CNTNAP2: variants seen among roughly 807,000 people sequenced by gnomAD.
CNTNAP2 encodes the protein contactin associated protein 2.
In CNTNAP2, 98 loss-of-function variants were observed where a neutral mutation model predicts 155.2. The ratio of observed to expected loss-of-function variants is 0.63; its 90% confidence interval spans 0.54 to 0.75. CNTNAP2 has a LOEUF of 0.75. Ranked by LOEUF, CNTNAP2 falls within the 30% of genes least tolerant of loss-of-function variation. The pLI is 0.00. For missense variants in CNTNAP2, 1,727 were observed against 1,688.1 expected (o/e 1.02, Z -0.40); for synonymous variants, 651 against 631.2 (o/e 1.03, Z -0.47).
chr7:147,865,890 T>G (rs2116693606), intron 13 of CNTNAP2, among the ~76,000 whole-genome samples: 2 of 152,292 alleles, frequency 1.3e-5, no homozygotes, highest in South Asian at 4.1e-4. Flanking sequence ...TTTCATTGAT[T>G]TTTTGAAGGG....
chr7:147,807,688 T>G (rs1425268497), intron 13 of CNTNAP2, among the ~76,000 whole-genome samples: 2 of 152,136 alleles, frequency 1.3e-5, no homozygotes, highest in Non-Finnish European at 1.5e-5. Flanking sequence ...CATATGTGGT[T>G]GAGTTTAGCA....
At chr7:146,386,384 T>C (rs974586758) in intron 1 of CNTNAP2, among the ~76,000 whole-genome samples, 4 of 152,166 alleles carry the variant, frequency 2.6e-5, no homozygotes, top group African/African-American at 7.2e-5. Context: ...GTTTTATTTG[T>C]ATTTGTATTA....
intron 13 of CNTNAP2, among the ~76,000 whole-genome samples, chr7:147,712,661 G>A (rs956436493): frequency 5.3e-5 from 8 of 152,046 alleles, no homozygotes; most frequent in Non-Finnish European, 1.0e-4. Flanking sequence ...ACCAAACACC[G>A]CATGTTCTCA....
chr7:147,507,582 T>G (rs1272534967), intron 11 of CNTNAP2, among the ~76,000 whole-genome samples: 1 of 133,150 alleles, frequency 7.5e-6, no homozygotes, highest in Non-Finnish European at 1.6e-5. Context: ...TTTTGGAGTC[T>G]CGCTCTGTCA....
chr7:147,114,187 A>C (rs1236804761), intron 5 of CNTNAP2, among the ~76,000 whole-genome samples: 1 of 152,052 alleles, frequency 6.6e-6, no homozygotes, highest in Non-Finnish European at 1.5e-5. Flanking sequence ...GACTGTTATG[A>C]TTTCAGTCCT....
chr7:147,152,782 T>A (rs1164886465), intron 8 of CNTNAP2, among the ~76,000 whole-genome samples: 1 of 152,096 alleles, frequency 6.6e-6, no homozygotes, highest in East Asian at 1.9e-4. Context: ...TCATAAAAAA[T>A]TAGAATTAAA....
At chr7:146,269,272 G>T (rs1453604792) in intron 1 of CNTNAP2, among the ~76,000 whole-genome samples, 1 of 152,156 alleles carries the variant, frequency 6.6e-6, no homozygotes, top group African/African-American at 2.4e-5. Context: ...CCTGGGAGGT[G>T]GAGGTTGCAG....
At chr7:146,479,828 G>A (rs1209705034) in intron 1 of CNTNAP2, among the ~76,000 whole-genome samples, 1 of 151,624 alleles carries the variant, frequency 6.6e-6, no homozygotes, top group East Asian at 1.9e-4. Flanking sequence ...TCTGTCCCCC[G>A]GGCTGGAGTG....
chr7:146,900,137 A>G (rs759633124), intron 3 of CNTNAP2, among the ~76,000 whole-genome samples: 6 of 152,208 alleles, frequency 3.9e-5, no homozygotes, highest in African/African-American at 7.2e-5. Context: ...AAAGGCCTAA[A>G]CAGTATCTCA....
At chr7:148,096,275 ATGCATGTG>A (rs923756973) in intron 15 of CNTNAP2, among the ~76,000 whole-genome samples, 7 of 131,104 alleles carry the variant, frequency 5.3e-5, no homozygotes, top group Non-Finnish European at 1.1e-4. Context: ...GCGTGCATGC[ATGCATGTG>A]TGTGTGTGTG....
At chr7:146,230,585 A>T (rs1445848925) in intron 1 of CNTNAP2, among the ~76,000 whole-genome samples, 1 of 152,186 alleles carries the variant, frequency 6.6e-6, no homozygotes, top group Non-Finnish European at 1.5e-5. Context: ...ATTGGCTATA[A>T]CTGGTGAGTA....
At chr7:146,471,968 A>T (rs1796805580) in intron 1 of CNTNAP2, among the ~76,000 whole-genome samples, 1 of 152,232 alleles carries the variant, frequency 6.6e-6, no homozygotes, top group Non-Finnish European at 1.5e-5. Context: ...TAAGAATCTG[A>T]AATGAACTTG....
intron 13 of CNTNAP2, among the ~76,000 whole-genome samples, chr7:147,775,734 G>T (rs992860525): frequency 2.0e-5 from 3 of 151,938 alleles, no homozygotes; most frequent in African/African-American, 4.8e-5. Flanking sequence ...AAATCACAGA[G>T]ATCTCAGTCC....
chr7:147,215,560 T>C (rs574551995), intron 8 of CNTNAP2, among the ~76,000 whole-genome samples: 4 of 152,180 alleles, frequency 2.6e-5, no homozygotes, highest in Admixed American at 6.5e-5. Flanking sequence ...CTGGTCTGTT[T>C]GTAGCACAGT....
intron 1 of CNTNAP2, among the ~76,000 whole-genome samples, chr7:146,506,394 AG>A (rs1797385858): frequency 1.3e-5 from 2 of 152,198 alleles, no homozygotes; most frequent in Non-Finnish European, 2.9e-5. Context: ...ACATAGACAA[AG>A]ATAGACCATA....
intron 1 of CNTNAP2, among the ~76,000 whole-genome samples, chr7:146,426,184 T>TAAAAAAAA (rs1796085251): frequency 3.6e-5 from 1 of 27,694 alleles, no homozygotes; most frequent in African/African-American, 3.2e-4. Flanking sequence ...AGACTTCGCC[T>TAAAAAAAA]CAAAAAAAAA....
chr7:146,751,576 C>T (rs1234489059), intron 1 of CNTNAP2, among the ~76,000 whole-genome samples: 2 of 152,198 alleles, frequency 1.3e-5, no homozygotes, highest in East Asian at 3.9e-4. Flanking sequence ...GCTACTAAAT[C>T]TTACATTTTA....
intron 3 of CNTNAP2, among the ~76,000 whole-genome samples, chr7:146,958,631 T>A (rs938058044): frequency 2.6e-5 from 4 of 152,030 alleles, no homozygotes; most frequent in Non-Finnish European, 4.4e-5. Context: ...GCCAGGATGG[T>A]GTCGATCTCC....
chr7:146,331,986 T>A (rs1250237594), intron 1 of CNTNAP2, among the ~76,000 whole-genome samples: 1 of 152,164 alleles, frequency 6.6e-6, no homozygotes, highest in African/African-American at 2.4e-5. Context: ...AAGTAATCTT[T>A]AAATTCTCAG....
Sources: allele counts gnomAD v4.1 joint callset (sites outside exome capture counted in the v4.1 genomes callset), GRCh38; gene constraint gnomAD v4.1.1; transcripts MANE v1.5; gene names NCBI Gene and HGNC (gene_info 2026-07-23, HGNC 2026-07-21).